Variants in ACAP2 observed in about 807,000 individuals in gnomAD.
ACAP2 encodes the protein arf-GAP with coiled-coil, ANK repeat and PH domain-containing protein 2.
ACAP2 carries 39 observed loss-of-function variants against 115.8 expected under a neutral mutation model. That is an observed-to-expected ratio of 0.34 (90% confidence interval 0.26 to 0.44). The LOEUF is 0.44. Among genes scored for constraint, ACAP2 ranks in the 20% least tolerant of loss-of-function variants. The probability of loss-of-function intolerance (pLI) is 1.00; values close to 1 mark genes in which losing one functional copy is unlikely to be tolerated. For missense variants in ACAP2, 662 were observed against 927.6 expected (o/e 0.71, Z 3.72); for synonymous variants, 289 against 315.8 (o/e 0.92, Z 0.90).
chr3:195,351,383 C>T (rs990428904), intron 4 of ACAP2, among the ~76,000 whole-genome samples: 8 of 151,644 alleles, frequency 5.3e-5, no homozygotes, highest in African/African-American at 1.9e-4. Context: ...TTCCAAAGGG[C>T]TGGGATTACA....
intron 15 of ACAP2, 72 bp downstream of exon 15, chr3:195,301,503 G>C: frequency 8.2e-7 from 1 of 1,218,738 alleles, no homozygotes; most frequent in Middle Eastern, 2.5e-4. Flanking sequence ...TCACACATTT[G>C]TAAACCAAGA....
At chr3:195,396,504 T>C (rs1363827704) in intron 1 of ACAP2, among the ~76,000 whole-genome samples, 1 of 151,836 alleles carries the variant, frequency 6.6e-6, no homozygotes, top group East Asian at 1.9e-4. Flanking sequence ...AAAAGAAGTA[T>C]GGGCCGGGCA....
intron 4 of ACAP2, among the ~76,000 whole-genome samples, chr3:195,370,928 G>T (rs1054333749): frequency 6.7e-6 from 1 of 149,248 alleles, no homozygotes; most frequent in Non-Finnish European, 1.5e-5. Flanking sequence ...CTCCAGTCTG[G>T]GCAGCTAGAG....
At chr3:195,376,321 G>C (rs1224244472) in intron 4 of ACAP2, among the ~76,000 whole-genome samples, 2 of 152,046 alleles carry the variant, frequency 1.3e-5, no homozygotes, top group Admixed American at 6.5e-5. Flanking sequence ...TTGAACCTGG[G>C]AAGTGGAGGC....
Position 195,302,000 on chromosome 3 carries a change from T to C in ACAP2, c.1291A>G (p.Ile431Val). ...CCGGAGCACTCGATACACAAGGTGA[T>C]GCCCAGGTTGATGCTGGCCCACCGT... is the stretch of plus-strand genomic sequence containing the variant. ...DPRWASINLG[I>V]TLCIECSGIH... The change falls in exon 14 of 23, where the codon ATC becomes GTC. Residue 431 changes from isoleucine (I) to valine (V), a missense_variant. Around this residue, in one of 3 missense-constraint regions of ACAP2, gnomAD observed 401 missense variants for 604.4 expected, o/e 0.66. Coordinates refer to ENST00000326793, the MANE Select transcript of ACAP2 (RefSeq NM_012287.6). 6.2e-7 allele frequency: 1 copy of C among 1,613,764 alleles called. No homozygotes were observed. Among genetic ancestry groups the C allele is most frequent in the South Asian group, 1.1e-5 (1 of 91,062 alleles).
At chr3:195,414,535 T>A (rs1713557326) in intron 1 of ACAP2, among the ~76,000 whole-genome samples, 1 of 152,230 alleles carries the variant, frequency 6.6e-6, no homozygotes, top group African/African-American at 2.4e-5. Flanking sequence ...GCAACCAAGA[T>A]GTCTTTCACT....
chr3:195,292,254 T>C lies in ACAP2; in HGVS notation c.1953+11A>G. Reference sequence around the variant, plus strand: ...GATTGCTACTGAAAATGTCATTGTATAAACGCATACCCCTAATACAGCCTG... The same window carrying C: ...GATTGCTACTGAAAATGTCATTGTACAAACGCATACCCCTAATACAGCCTG... On this transcript the variant is annotated intron_variant, in intron 19 of 22. Coordinates refer to ENST00000326793, the MANE Select transcript of ACAP2 (RefSeq NM_012287.6). The C allele has an allele frequency of 6.4e-7, 1 of 1,563,238 alleles. No individual in the cohort carries two copies. The highest frequency in any genetic ancestry group is 8.6e-7 in the Non-Finnish European group (1 of 1,162,680).
intron 4 of ACAP2, among the ~76,000 whole-genome samples, chr3:195,350,708 C>T (rs572499451): frequency 1.3e-5 from 2 of 151,244 alleles, no homozygotes; most frequent in Non-Finnish European, 2.9e-5. Flanking sequence ...ATTACCCACG[C>T]ATATGGTCAG....
chr3:195,400,021 A>C (rs904393047), intron 1 of ACAP2, among the ~76,000 whole-genome samples: 1 of 151,852 alleles, frequency 6.6e-6, no homozygotes, highest in Non-Finnish European at 1.5e-5. Context: ...TCTACTAAAA[A>C]TACAAAATTA....
At chr3:195,324,106 G>C (rs907093684) in intron 9 of ACAP2, among the ~76,000 whole-genome samples, 2 of 152,014 alleles carry the variant, frequency 1.3e-5, no homozygotes, top group Non-Finnish European at 2.9e-5. Context: ...AAAAGGATTT[G>C]ATCAACAATT....
chr3:195,282,647 A>T (rs1726582512), intron 22 of ACAP2: 1 of 152,262 alleles, frequency 6.6e-6, no homozygotes, highest in Admixed American at 6.5e-5. Flanking sequence ...ACAACCCAGA[A>T]TATGCTGCCA....
At chr3:195,410,419 T>G (rs1185131265) in intron 1 of ACAP2, among the ~76,000 whole-genome samples, 1 of 152,154 alleles carries the variant, frequency 6.6e-6, no homozygotes, top group African/African-American at 2.4e-5. Context: ...CAAACTGCAC[T>G]TCATAAAACT....
Position 195,297,170 on chromosome 3 carries a change from A to ATT in ACAP2, c.1487+19_1487+20insAA. On this transcript the variant is annotated intron_variant, in intron 16 of 22. Coordinates refer to ENST00000326793, the MANE Select transcript of ACAP2 (RefSeq NM_012287.6). ...ATAGCTATATTCCTAATTAGGGGGA[A>ATT]AAAACAACTGAAATAGTACCTTTGT... The ATT allele has an allele frequency of 1.2e-6, 2 of 1,601,848 alleles. No homozygotes were observed. Among genetic ancestry groups the ATT allele is most frequent in the Non-Finnish European group, 1.7e-6 (2 of 1,171,790 alleles).
intron 4 of ACAP2, chr3:195,356,293 C>T: frequency 4.7e-6 from 2 of 422,798 alleles, no homozygotes; most frequent in Non-Finnish European, 9.7e-6. Flanking sequence ...TAGACCAGCC[C>T]CAGGGACAGG....
At position 195,442,943 on chromosome 3, in the gene ACAP2, G is replaced by A; in HGVS notation, c.-96C>T. ...ACGGCTACGGCGGGCGCACGGCCGC[G>A]ACTAGCGTTGCGCGGAGCTGCGAAG... On this transcript the variant is annotated 5_prime_UTR_variant, in exon 1 of 23. Transcript: ENST00000326793. 1.7e-6 allele frequency: 2 copies of A among 1,160,722 alleles called. No individual in the cohort carries two copies. The highest frequency in any genetic ancestry group is 2.3e-6 in the Non-Finnish European group (2 of 859,662). 71.9% of individuals were successfully genotyped at this position (1,160,722 alleles called of 1,614,324 possible). A position where few individuals can be genotyped will look rare whatever the true frequency, so the allele number is the denominator to read the frequency against.
At chr3:195,325,414 A>ATTTTT (rs746254101) in intron 9 of ACAP2, 65 of 321,594 alleles carry the variant, frequency 2.0e-4, no homozygotes, top group Middle Eastern at 9.7e-4. Flanking sequence ...TAGTGGACTG[A>ATTTTT]TTTTTTTTTT....
intron 1 of ACAP2, among the ~76,000 whole-genome samples, chr3:195,424,265 A>G (rs9829863): frequency 0.064 from 2,785 of 43,724 alleles, 146 homozygotes; most frequent in East Asian, 0.39. Context: ...GTGTGTGTAT[A>G]TATATATATA....
At chr3:195,369,839 T>C (rs556598380) in intron 4 of ACAP2, among the ~76,000 whole-genome samples, 1 of 152,312 alleles carries the variant, frequency 6.6e-6, no homozygotes, top group South Asian at 2.1e-4. Context: ...ACCACACTGC[T>C]TTCCACAATG....
At chr3:195,412,134 C>A (rs1713315695) in intron 1 of ACAP2, among the ~76,000 whole-genome samples, 1 of 128,272 alleles carries the variant, frequency 7.8e-6, no homozygotes, top group South Asian at 2.5e-4. Context: ...AGTTCAAGAC[C>A]AGCCTGGGTC....
Sources: allele counts gnomAD v4.1 joint callset (sites outside exome capture counted in the v4.1 genomes callset), GRCh38; gene constraint gnomAD v4.1.1; regional missense constraint gnomAD v4.1.1; transcripts MANE v1.5; gene names NCBI Gene and HGNC (gene_info 2026-07-23, HGNC 2026-07-21).